The following TTC1 variants were observed in gnomAD, a reference collection of about 807,000 sequenced individuals.
TTC1 encodes tetratricopeptide repeat protein 1.
A neutral mutation model predicts 37.6 loss-of-function variants in TTC1; 31 were observed. The observed-to-expected ratio is 0.82, with a 90% CI of 0.62 to 1.11. The LOEUF is 1.11. Ranked by LOEUF, TTC1 falls within the 50% of genes most tolerant of loss-of-function variation. The pLI is 0.00. For synonymous variants in TTC1, 127 were observed against 122.4 expected (o/e 1.04, Z -0.25); for missense variants, 351 against 339.0 (o/e 1.04, Z -0.28).
At chr5:160,024,514 C>G (rs1417910793) in intron 2 of TTC1, among the ~76,000 whole-genome samples, 2 of 152,038 alleles carry the variant, frequency 1.3e-5, no homozygotes, top group South Asian at 2.1e-4. Context: ...GTTCCTTTAT[C>G]TTTTTTAAGA....
chr5:160,056,620 G>A (rs957781719), intron 7 of TTC1, among the ~76,000 whole-genome samples: 1 of 152,204 alleles, frequency 6.6e-6, no homozygotes, highest in Non-Finnish European at 1.5e-5. Context: ...CCACTTGGGA[G>A]GCTAAGGTGG....
At chr5:160,028,516 C>T (rs1756849410) in intron 2 of TTC1, among the ~76,000 whole-genome samples, 1 of 152,092 alleles carries the variant, frequency 6.6e-6, no homozygotes, top group South Asian at 2.1e-4. Context: ...CAAGGTCGCA[C>T]TCTGTCACCT....
chr5:160,036,657 C>A, intron 3 of TTC1, 34 bp from the exon 4 acceptor site: 1 of 1,433,620 alleles, frequency 7.0e-7, no homozygotes, highest in South Asian at 1.1e-5. Context: ...GGAATAAAAT[C>A]AAAATGACCA....
At chr5:160,029,473 C>CT (rs967016627) in intron 2 of TTC1, among the ~76,000 whole-genome samples, 2 of 133,688 alleles carry the variant, frequency 1.5e-5, no homozygotes, top group Non-Finnish European at 3.1e-5. Context: ...GAGACCCCCC[C>CT]ATCTCTACAA....
At chr5:160,017,879 A>G (rs185083276) in intron 2 of TTC1, among the ~76,000 whole-genome samples, 28 of 152,276 alleles carry the variant, frequency 1.8e-4, no homozygotes, top group Admixed American at 4.6e-4. Context: ...TCCACCCACT[A>G]GACATTGTTT....
chr5:160,048,513 T>C (rs1490116319), intron 5 of TTC1, among the ~76,000 whole-genome samples: 1 of 152,152 alleles, frequency 6.6e-6, no homozygotes, highest in Non-Finnish European at 1.5e-5. Context: ...AAATGCAGTA[T>C]GTTGAACCAA....
At chr5:160,017,876 A>G (rs1756634450) in intron 2 of TTC1, among the ~76,000 whole-genome samples, 1 of 152,156 alleles carries the variant, frequency 6.6e-6, no homozygotes, top group Admixed American at 6.5e-5. Context: ...TCTTCCACCC[A>G]CTAGACATTG....
chr5:160,060,943 T>C (rs921248987), intron 7 of TTC1, among the ~76,000 whole-genome samples: 1 of 152,236 alleles, frequency 6.6e-6, no homozygotes, highest in Non-Finnish European at 1.5e-5. Flanking sequence ...TTTCCCACAA[T>C]GTGGGACTAA....
intron 7 of TTC1, among the ~76,000 whole-genome samples, chr5:160,054,344 T>C (rs2113404555): frequency 6.6e-6 from 1 of 152,224 alleles, no homozygotes; most frequent in East Asian, 1.9e-4. Flanking sequence ...CTGGGTACAG[T>C]AGCTCATGCC....
At chr5:160,047,758 C>G (rs1757289649) in intron 5 of TTC1, among the ~76,000 whole-genome samples, 1 of 152,198 alleles carries the variant, frequency 6.6e-6, no homozygotes, top group African/African-American at 2.4e-5. Context: ...GTTGGTCCCT[C>G]TTCCTGGCAC....
chr5:160,023,302 T>C (rs551287959), intron 2 of TTC1, among the ~76,000 whole-genome samples: 55 of 151,250 alleles, frequency 3.6e-4, no homozygotes, highest in Admixed American at 2.6e-4. Flanking sequence ...TTCTTTTTTT[T>C]TTTTTTGGAA....
At chr5:160,015,976 TG>T (rs1367986375) in intron 2 of TTC1, among the ~76,000 whole-genome samples, 1 of 152,256 alleles carries the variant, frequency 6.6e-6, no homozygotes, top group East Asian at 1.9e-4. Context: ...CACTCTCATC[TG>T]GTGTCAGACC....
chr5:160,058,468 T>C (rs972896858), intron 7 of TTC1, among the ~76,000 whole-genome samples: 2 of 149,720 alleles, frequency 1.3e-5, no homozygotes, highest in African/African-American at 4.9e-5. Context: ...TGGAGTGCAG[T>C]GGTGCGATCT....
intron 5 of TTC1, among the ~76,000 whole-genome samples, chr5:160,045,506 ACACACACATACACACTCTCTCTCT>A (rs1757202718): frequency 1.1e-5 from 1 of 87,872 alleles, no homozygotes; most frequent in African/African-American, 4.6e-5. Flanking sequence ...ACACACACAC[ACACACACATACACACTCTCTCTCT>A]CTCTCTCTCT....
chr5:160,031,723 T>C (rs916349824), intron 2 of TTC1, among the ~76,000 whole-genome samples: 1 of 152,134 alleles, frequency 6.6e-6, no homozygotes, highest in Non-Finnish European at 1.5e-5. Flanking sequence ...AGATGAGGGC[T>C]GGGCACACTG....
chr5:160,012,063 C>A (rs1368000537), intron 2 of TTC1, among the ~76,000 whole-genome samples: 4 of 152,152 alleles, frequency 2.6e-5, no homozygotes, highest in African/African-American at 9.7e-5. Context: ...GAGCCAAGTT[C>A]ATAAACTACC....
At chr5:160,017,829 A>T (rs539024244) in intron 2 of TTC1, among the ~76,000 whole-genome samples, 5 of 152,186 alleles carry the variant, frequency 3.3e-5, no homozygotes, top group South Asian at 2.1e-4. Context: ...AGTTACAGAA[A>T]TTTTTTTCTC....
At chr5:160,037,772 A>T (rs146339116) in intron 4 of TTC1, among the ~76,000 whole-genome samples, 5 of 152,074 alleles carry the variant, frequency 3.3e-5, no homozygotes, top group African/African-American at 4.8e-5. Context: ...TTGGATTGAA[A>T]TGAGAGTGGT....
chr5:160,026,361 A>G (rs1486148694), intron 2 of TTC1, among the ~76,000 whole-genome samples: 1 of 152,158 alleles, frequency 6.6e-6, no homozygotes, highest in East Asian at 1.9e-4. Flanking sequence ...TTCCATATGT[A>G]TTGTACCTCT....
Sources: allele counts gnomAD v4.1 joint callset (sites outside exome capture counted in the v4.1 genomes callset), GRCh38; gene constraint gnomAD v4.1.1; transcripts MANE v1.5; gene names NCBI Gene and HGNC (gene_info 2026-07-23, HGNC 2026-07-21).